The following USH2A variants were observed in gnomAD, a reference collection of about 807,000 sequenced individuals.
USH2A encodes usherin, also known as Usher syndrome 2A (autosomal recessive, mild).
Under a neutral mutation model 538.9 loss-of-function variants are expected in USH2A, and 443 were observed. That is an observed-to-expected ratio of 0.82 (90% CI 0.76 to 0.89). The LOEUF is 0.89. USH2A is among the 40% of genes least tolerant of loss of function. The probability of loss-of-function intolerance (pLI) is 0.00; values close to 1 mark genes in which losing one functional copy is unlikely to be tolerated. For synonymous variants in USH2A, 2,413 were observed against 2,273.5 expected (o/e 1.06, Z -1.75); for missense variants, 6,633 against 6,324.8 (o/e 1.05, Z -1.65).
intron 52 of USH2A, among the ~76,000 whole-genome samples, chr1:215,785,897 T>A (rs193164685): frequency 2.3e-3 from 353 of 150,304 alleles, no homozygotes; most frequent in African/African-American, 8.6e-3. Flanking sequence ...ATTATGTCAC[T>A]TAAATGGATT....
In USH2A at chr1:215,904,900, G is replaced by A. The variant is rs563128413; in HGVS notation, c.7301-3995C>T. ...ATCACAGATTGGAATAATTGAGATG[G>A]TATAATCTTTTGAATGTATAATTTT... On this transcript the variant is annotated intron_variant, in intron 38 of 71. Coordinates refer to ENST00000307340, the MANE Select transcript of USH2A (RefSeq NM_206933.4). Among the ~76,000 whole-genome samples the A allele has an allele frequency of 2.1e-4, 32 of 152,094 alleles. No individual in the cohort carries two copies. The South Asian group carries it at 6.6e-3, about 32-fold the overall frequency.
At position 215,753,846 on chromosome 1, in the gene USH2A, G is replaced by T. The variant is rs576373163; in HGVS notation, c.11389+4749C>A. ...AAAATTAAAAAAAAATATTCTCCCA[G>T]AATCATTTGGTTTTCACCAACACCC... On this transcript the variant is annotated intron_variant, in intron 58 of 71. Coordinates refer to ENST00000307340, the MANE Select transcript of USH2A (RefSeq NM_206933.4). 5.9e-5 allele frequency among the ~76,000 whole-genome samples: 9 copies of T among 152,168 alleles called. No homozygotes were observed. The South Asian group carries it at 1.9e-3, about 32-fold the overall frequency.
intron 4 of USH2A, among the ~76,000 whole-genome samples, chr1:216,353,637 A>C (rs2038328440): frequency 6.6e-6 from 1 of 152,166 alleles, no homozygotes; most frequent in Admixed American, 6.6e-5. Context: ...GTGACCAGCC[A>C]TAGCTGAAAC....
intron 4 of USH2A, among the ~76,000 whole-genome samples, chr1:216,333,206 G>A (rs1159059029): frequency 6.6e-6 from 1 of 152,046 alleles, no homozygotes; most frequent in African/African-American, 2.4e-5. Flanking sequence ...CACTTTGGGA[G>A]GCTGAGGTGG....
intron 9 of USH2A, among the ~76,000 whole-genome samples, chr1:216,321,110 G>A (rs1021687238): frequency 1.3e-5 from 2 of 151,882 alleles, no homozygotes; most frequent in African/African-American, 2.4e-5. Flanking sequence ...ACAATCAGTA[G>A]AGCTCTAATT....
chr1:215,789,078 G>A (rs766729534), intron 51 of USH2A, among the ~76,000 whole-genome samples: 20 of 152,158 alleles, frequency 1.3e-4, no homozygotes, highest in African/African-American at 4.8e-5. Context: ...GGATATAAAT[G>A]TCTCCAGGTG....
intron 3 of USH2A, among the ~76,000 whole-genome samples, chr1:216,397,573 T>C (rs1468709571): frequency 6.6e-6 from 1 of 152,222 alleles, no homozygotes; most frequent in Non-Finnish European, 1.5e-5. Context: ...TTTTCTTGCT[T>C]TGTGAGCTGC....
intron 19 of USH2A, among the ~76,000 whole-genome samples, chr1:216,195,348 A>T (rs1313409611): frequency 6.6e-6 from 1 of 152,146 alleles, no homozygotes; most frequent in African/African-American, 2.4e-5. Flanking sequence ...CCTATGACCC[A>T]TGGGAGGTCC....
chr1:215,780,236 A>G (rs545938060), intron 54 of USH2A, among the ~76,000 whole-genome samples, 195 bp from the exon 55 acceptor site: 2 of 152,134 alleles, frequency 1.3e-5, no homozygotes, highest in African/African-American at 4.8e-5. Flanking sequence ...CCTTGAATAT[A>G]TTACATAAGT....
intron 38 of USH2A, among the ~76,000 whole-genome samples, chr1:215,931,810 C>T (rs989991987): frequency 1.3e-5 from 2 of 151,784 alleles, no homozygotes; most frequent in African/African-American, 4.8e-5. Context: ...ATCTTATAAC[C>T]AGTGATTGTG....
chr1:215,863,136 G>C (rs1664365063), intron 44 of USH2A, among the ~76,000 whole-genome samples: 1 of 152,144 alleles, frequency 6.6e-6, no homozygotes. Flanking sequence ...CATTCACAGT[G>C]CTGGATACAA....
At chr1:216,160,053 T>G (rs1298342621) in intron 21 of USH2A, among the ~76,000 whole-genome samples, 1 of 152,070 alleles carries the variant, frequency 6.6e-6, no homozygotes, top group East Asian at 1.9e-4. Context: ...CTCCTTTCCT[T>G]GATCACTTGC....
chr1:216,313,305 TGGCCCA>T (rs1029938855), intron 9 of USH2A, among the ~76,000 whole-genome samples: 2 of 152,180 alleles, frequency 1.3e-5, no homozygotes, highest in Non-Finnish European at 2.9e-5. Context: ...TACTGACCAG[TGGCCCA>T]GGGGTTGGGG....
At chr1:216,109,810 A>T (rs2032823379) in intron 21 of USH2A, among the ~76,000 whole-genome samples, 1 of 152,096 alleles carries the variant, frequency 6.6e-6, no homozygotes, top group Non-Finnish European at 1.5e-5. Flanking sequence ...CATTAATCGG[A>T]CCTCTGCAAC....
At chr1:215,908,437 A>G (rs1665693856) in intron 38 of USH2A, among the ~76,000 whole-genome samples, 1 of 151,786 alleles carries the variant, frequency 6.6e-6, no homozygotes, top group African/African-American at 2.4e-5. Context: ...ACTAAACAGA[A>G]CTCTTTTAAA....
intron 58 of USH2A, among the ~76,000 whole-genome samples, chr1:215,755,753 G>A (rs1660774615): frequency 6.6e-6 from 1 of 152,132 alleles, no homozygotes; most frequent in Non-Finnish European, 1.5e-5. Flanking sequence ...CCCTAGGCTG[G>A]ACCAGAATGA....
intron 58 of USH2A, 138 bp downstream of exon 58, chr1:215,758,457 T>A (rs1660877284): frequency 9.6e-7 from 1 of 1,041,312 alleles, no homozygotes; most frequent in South Asian, 1.5e-5. Flanking sequence ...AAGTGTGGTT[T>A]AGATTTTTCT....
intron 69 of USH2A, among the ~76,000 whole-genome samples, chr1:215,635,818 T>C (rs1019548612): frequency 1.2e-4 from 19 of 152,152 alleles, no homozygotes; most frequent in African/African-American, 4.6e-4. Context: ...CCTTCCAACA[T>C]GCTGGGATTA....
At chr1:216,156,121 C>T (rs1249990789) in intron 21 of USH2A, among the ~76,000 whole-genome samples, 2 of 151,958 alleles carry the variant, frequency 1.3e-5, no homozygotes, top group African/African-American at 2.4e-5. Context: ...TCACCATGCA[C>T]CCTTCTGGCA....
Sources: gnomAD v4.1 joint callset for allele counts (sites outside exome capture counted in the v4.1 genomes callset) on GRCh38, gnomAD v4.1.1 for gene constraint, MANE v1.5 for transcripts, NCBI Gene and HGNC (gene_info 2026-07-23, HGNC 2026-07-21) for gene names.